Variants in NBN observed in about 807,000 individuals in gnomAD.
NBN encodes nibrin.
NBN carries 88 observed loss-of-function variants against 90.8 expected under a neutral mutation model. That is an observed-to-expected ratio of 0.97 (90% CI 0.82 to 1.16). The LOEUF (loss-of-function observed/expected upper bound fraction) is 1.16. Among genes scored for constraint, NBN ranks in the 50% most tolerant of loss-of-function variants. The pLI, the probability that NBN is intolerant of heterozygous loss-of-function variation, is 0.00. For synonymous variants in NBN, 328 were observed against 295.1 expected, an observed-to-expected ratio of 1.11 and a Z score of -1.14; for missense variants, 894 against 869.6, an observed-to-expected ratio of 1.03 and a Z score of -0.35.
intron 5 of NBN, 49 bp downstream of exon 5, chr8:89,978,171 A>G (rs765112057): frequency 2.7e-5 from 40 of 1,460,974 alleles, no homozygotes; most frequent in Admixed American, 6.7e-5. Context: ...ATAAAAATCA[A>G]TGCTATCATA....
chr8:89,944,023 A>C (rs903979181), intron 13 of NBN, among the ~76,000 whole-genome samples: 2 of 152,194 alleles, frequency 1.3e-5, no homozygotes, highest in African/African-American at 4.8e-5. Flanking sequence ...GAGAATTTTA[A>C]ATTTATTTTC....
At chr8:89,977,723 G>GC (rs1386009930) in intron 5 of NBN, among the ~76,000 whole-genome samples, 2 of 152,050 alleles carry the variant, frequency 1.3e-5, no homozygotes, top group Admixed American at 1.3e-4. Context: ...CCACAGCCTC[G>GC]CCAGCATCTG....
intron 4 of NBN, among the ~76,000 whole-genome samples, chr8:89,978,870 TCA>T (rs1250026590): frequency 2.0e-5 from 3 of 152,036 alleles, no homozygotes; most frequent in Non-Finnish European, 4.4e-5. Flanking sequence ...AAACTTAAAC[TCA>T]CATGTGAATT....
intron 1 of NBN, chr8:89,984,280 G>A (rs532756127): frequency 1.5e-5 from 9 of 594,480 alleles, no homozygotes; most frequent in African/African-American, 1.3e-4. Context: ...TCAGGGGAGG[G>A]GCGCGGAGGA....
intron 9 of NBN, among the ~76,000 whole-genome samples, chr8:89,958,274 T>C (rs2129740905): frequency 6.6e-6 from 1 of 152,316 alleles, no homozygotes; most frequent in South Asian, 2.1e-4. Context: ...GGTGATGGAC[T>C]GATACCGTGG....
intron 14 of NBN, among the ~76,000 whole-genome samples, chr8:89,940,248 C>T (rs1200696919): frequency 6.6e-6 from 1 of 151,950 alleles, no homozygotes; most frequent in Non-Finnish European, 1.5e-5. Context: ...CTACCATGAC[C>T]CGCTAATTTG....
chr8:89,956,818 A>G (rs1423044756), intron 9 of NBN, among the ~76,000 whole-genome samples: 1 of 152,204 alleles, frequency 6.6e-6, no homozygotes, highest in Non-Finnish European at 1.5e-5. Context: ...CTATATAATG[A>G]TATTTCTGTC....
chr8:89,934,144 T>TA lies in NBN; in HGVS notation c.*1437dup. 1 of 230,710 alleles carries TA rather than the reference T, an allele frequency of 4.3e-6. No homozygotes were observed. Among genetic ancestry groups the TA allele is most frequent in the Non-Finnish European group, 8.6e-6 (1 of 116,588 alleles). The allele number at this position is 230,710 out of a possible 1,614,324, so 14.3% of individuals were successfully genotyped here. A position where few individuals can be genotyped will look rare whatever the true frequency, so the allele number is the denominator to read the frequency against. ...TTCCTTAACTGTAAAATGGAGACCA[T>TA]ATGTTCCACCAGCTTCACTTGGTAA... On this transcript the variant is annotated 3_prime_UTR_variant, in exon 16 of 16. Coordinates refer to ENST00000265433, the MANE Select transcript of NBN (RefSeq NM_002485.5).
intron 4 of NBN, among the ~76,000 whole-genome samples, chr8:89,980,443 T>C (rs1393315567): frequency 6.6e-6 from 1 of 151,752 alleles, no homozygotes; most frequent in Non-Finnish European, 1.5e-5. Flanking sequence ...AAACACAAAG[T>C]ATGCACTGTC....
intron 10 of NBN, 40 bp from the exon 11 acceptor site, chr8:89,953,731 T>G: frequency 6.7e-7 from 1 of 1,489,164 alleles, no homozygotes; most frequent in Non-Finnish European, 9.2e-7. Context: ...AACAAGAAAA[T>G]GAACACAGCT....
At chr8:89,953,960 A>T (rs891123927) in intron 10 of NBN, among the ~76,000 whole-genome samples, 1 of 152,108 alleles carries the variant, frequency 6.6e-6, no homozygotes, top group Non-Finnish European at 1.5e-5. Flanking sequence ...TAGTTGATAA[A>T]TTACAGGAAA....
At chr8:89,976,256 G>A (rs1237794996) in intron 5 of NBN, among the ~76,000 whole-genome samples, 1 of 152,218 alleles carries the variant, frequency 6.6e-6, no homozygotes, top group Non-Finnish European at 1.5e-5. Flanking sequence ...TTACAGGCGT[G>A]AGCCACCAGG....
At chr8:89,955,193 A>G in intron 10 of NBN, 90 bp downstream of exon 10, 1 of 1,296,242 alleles carries the variant, frequency 7.7e-7, no homozygotes, top group Non-Finnish European at 1.1e-6. Context: ...ATACTTAATC[A>G]GAACAGACTA....
chr8:89,971,323 A>C (rs771336637), intron 5 of NBN, 33 bp from the exon 6 acceptor site: 3 of 1,575,090 alleles, frequency 1.9e-6, no homozygotes, highest in Admixed American at 3.4e-5. Context: ...TTCTAATTAT[A>C]TACTACTATG....
At position 89,970,316 on chromosome 8, in the gene NBN, T is replaced by A. The variant is rs768488131; in HGVS notation, c.896+48A>T. On this transcript the variant is annotated intron_variant, in intron 7 of 15. Coordinates refer to ENST00000265433, the MANE Select transcript of NBN (RefSeq NM_002485.5). ...GAAAAGCAACAAAAAAGGTTAAACA[T>A]AAAATCTCCTACTTGCAGTTTTTTA... is the stretch of plus-strand genomic sequence containing the variant. 8 of 1,476,910 alleles carry A rather than the reference T, an allele frequency of 5.4e-6. No homozygotes were observed. The South Asian group carries it at 9.2e-5, about 17-fold the overall frequency. The allele number at this position is 1,476,910 out of a possible 1,614,324, so 91.5% of individuals were successfully genotyped here.
At chr8:89,961,157 C>T (rs557340387) in intron 8 of NBN, among the ~76,000 whole-genome samples, 31 of 152,266 alleles carry the variant, frequency 2.0e-4, no homozygotes, top group Admixed American at 8.5e-4. Flanking sequence ...CCTTGGTATA[C>T]CTTATCTTTT....
chr8:89,961,682 G>A (rs973117256), intron 8 of NBN, among the ~76,000 whole-genome samples: 2 of 152,198 alleles, frequency 1.3e-5, no homozygotes, highest in Admixed American at 6.5e-5. Flanking sequence ...AAAAGGCGAG[G>A]TCGGGAGGAG....
chr8:89,984,348 C>G, intron 1 of NBN, 177 bp downstream of exon 1: 1 of 676,394 alleles, frequency 1.5e-6, no homozygotes. Flanking sequence ...CAGCTCACAG[C>G]CGCCGTGCTG....
intron 8 of NBN, among the ~76,000 whole-genome samples, chr8:89,962,873 T>C (rs533339387): frequency 6.6e-6 from 1 of 152,322 alleles, no homozygotes; most frequent in South Asian, 2.1e-4. Flanking sequence ...TACACCACCA[T>C]TTCTCAAAAC....
Sources: gnomAD v4.1 joint callset for allele counts (sites outside exome capture counted in the v4.1 genomes callset) on GRCh38, gnomAD v4.1.1 for gene constraint, MANE v1.5 for transcripts, NCBI Gene and HGNC (gene_info 2026-07-23, HGNC 2026-07-21) for gene names.